ZDHHC11: variants seen among roughly 807,000 people sequenced by gnomAD.
ZDHHC11 encodes palmitoyltransferase ZDHHC11.
A neutral mutation model predicts 51.3 loss-of-function variants in ZDHHC11; 44 were observed. The observed-to-expected ratio is 0.86, with a 90% CI of 0.67 to 1.10. ZDHHC11 has a LOEUF of 1.10. Among genes scored for constraint, ZDHHC11 ranks in the 50% least tolerant of loss-of-function variants. ZDHHC11 has a pLI of 0.00. For missense variants in ZDHHC11, 400 were observed against 537.7 expected (o/e 0.74, Z 2.53); for synonymous variants, 163 against 222.0 (o/e 0.73, Z 2.36).
chr5:840,735 G>A, intron 4 of ZDHHC11, 85 bp from the exon 5 acceptor site: 6 of 1,591,870 alleles, frequency 3.8e-6, no homozygotes, highest in Middle Eastern at 1.7e-4. Flanking sequence ...GAGCGTGCTG[G>A]GGATGGGGCG....
At chr5:807,767 A>G (rs1739476417) in intron 11 of ZDHHC11, among the ~76,000 whole-genome samples, 2 of 151,996 alleles carry the variant, frequency 1.3e-5, no homozygotes, top group South Asian at 4.1e-4. Flanking sequence ...TTATAGAACC[A>G]GCAGCATCTC....
chr5:833,225 C>T (rs1743293899), intron 7 of ZDHHC11, among the ~76,000 whole-genome samples: 2 of 152,276 alleles, frequency 1.3e-5, no homozygotes, highest in South Asian at 4.1e-4. Flanking sequence ...TGCGCGTGCC[C>T]TTTGACTCTC....
At chr5:826,188 GC>G (rs1284071047) in intron 7 of ZDHHC11, among the ~76,000 whole-genome samples, 2 of 20,900 alleles carry the variant, frequency 9.6e-5, no homozygotes, top group African/African-American at 2.6e-4. Flanking sequence ...AGGGGAAGGG[GC>G]AGTGCACAAA....
chr5:798,214 C>A (rs1356181417), intron 12 of ZDHHC11, among the ~76,000 whole-genome samples: 6 of 151,206 alleles, frequency 4.0e-5, no homozygotes, highest in Non-Finnish European at 7.4e-5. Context: ...CCATTTGTAT[C>A]TCTTGAAAAG....
intron 1 of ZDHHC11, 132 bp from the exon 2 acceptor site, chr5:848,792 C>T (rs1746663800): frequency 2.3e-6 from 3 of 1,327,958 alleles, no homozygotes; most frequent in Non-Finnish European, 3.1e-6. Context: ...CACGTGAGCC[C>T]AGCTCACCCA....
chr5:837,693 T>A (rs1744093267), intron 5 of ZDHHC11, among the ~76,000 whole-genome samples: 1 of 151,480 alleles, frequency 6.6e-6, no homozygotes, highest in Non-Finnish European at 1.5e-5. Context: ...GCAGGAGGGG[T>A]CTGCAGCTGC....
chr5:837,056 C>CA (rs200986325), intron 6 of ZDHHC11, among the ~76,000 whole-genome samples: 1,761 of 131,022 alleles, frequency 0.013, 46 homozygotes, highest in South Asian at 0.022. Flanking sequence ...GACTCTGTCT[C>CA]AAAAAAAAAG....
intron 10 of ZDHHC11, among the ~76,000 whole-genome samples, chr5:815,649 A>G (rs1181474924): frequency 3.3e-5 from 5 of 151,388 alleles, no homozygotes; most frequent in African/African-American, 1.2e-4. Flanking sequence ...GGGTCATATC[A>G]TAAGTACCTA....
chr5:804,526 G>A (rs1375630462), intron 11 of ZDHHC11, among the ~76,000 whole-genome samples: 78 of 138,716 alleles, frequency 5.6e-4, no homozygotes, highest in African/African-American at 1.8e-3. Flanking sequence ...CAGGCTATAC[G>A]CCAAAAGATC....
chr5:821,941 C>T lies in ZDHHC11; in HGVS notation c.1024-46G>A. 3 of 1,544,044 alleles carry T rather than the reference C, an allele frequency of 1.9e-6. 1 individual carries two copies. Among genetic ancestry groups the T allele is most frequent in the Non-Finnish European group, 8.9e-7 (1 of 1,129,898 alleles). On this transcript the variant is annotated intron_variant, in intron 8 of 12. Transcript: ENST00000283441. ...ATTCATAGAATGAATTGACATTGAA[C>T]TTATTCTTAAAAAAAATTCAAGTCC...
In ZDHHC11 at chr5:795,973, G is replaced by A. The variant is rs1230369820; in HGVS notation, c.*615C>T. 1 of 153,252 alleles carries A rather than the reference G, an allele frequency of 6.5e-6. No individual in the cohort carries two copies. The highest frequency in any genetic ancestry group is 1.5e-5 in the Non-Finnish European group (1 of 68,108). The allele number at this position is 153,252 out of a possible 1,614,324, so 9.5% of individuals were successfully genotyped here. On this transcript the variant is annotated 3_prime_UTR_variant, in exon 13 of 13. Transcript: ENST00000283441. ...CTCAGTACTGTATGCCCATTTCCCA[G>A]TACTGTGCTCCCATTTCTCAGTAGT...
At chr5:846,924 G>A (rs1291920859) in intron 3 of ZDHHC11, among the ~76,000 whole-genome samples, 1 of 151,400 alleles carries the variant, frequency 6.6e-6, no homozygotes, top group African/African-American at 2.4e-5. Context: ...CCGTGCTCAG[G>A]GGAAAGACCT....
intron 6 of ZDHHC11, 89 bp from the exon 7 acceptor site, chr5:833,896 G>A: frequency 6.6e-7 from 1 of 1,522,270 alleles, no homozygotes; most frequent in South Asian, 1.1e-5. Context: ...TATTATTCCT[G>A]GGTTTTGAGG....
intron 12 of ZDHHC11, among the ~76,000 whole-genome samples, chr5:799,787 T>C (rs1347588362): frequency 2.6e-5 from 4 of 151,616 alleles, no homozygotes; most frequent in Non-Finnish European, 5.9e-5. Flanking sequence ...ACTGCACCAA[T>C]TTACTTCTTC....
intron 4 of ZDHHC11, 167 bp downstream of exon 4, chr5:843,433 T>C: frequency 7.7e-7 from 1 of 1,298,810 alleles, no homozygotes; most frequent in South Asian, 1.4e-5. Context: ...TGCTGGGCTG[T>C]ATGAACACTG....
intron 4 of ZDHHC11, chr5:842,378 CA>C (rs1386213227): frequency 2.0e-6 from 2 of 985,354 alleles, no homozygotes; most frequent in Admixed American, 1.2e-4. Flanking sequence ...AGCTGGCTTT[CA>C]GGAAGTGCTT....
At chr5:857,576 TC>T (rs886354358) in intron 1 of ZDHHC11, among the ~76,000 whole-genome samples, 2 of 142,860 alleles carry the variant, frequency 1.4e-5, no homozygotes, top group African/African-American at 2.7e-5. Flanking sequence ...GACTCCGTGG[TC>T]CCCCGAGTCT....
intron 3 of ZDHHC11, among the ~76,000 whole-genome samples, chr5:846,465 T>C (rs1341785417): frequency 6.6e-6 from 1 of 150,706 alleles, no homozygotes; most frequent in Admixed American, 6.6e-5. Context: ...GGGAAACACC[T>C]CTCATCTATG....
chr5:798,193 A>G (rs1319431976), intron 12 of ZDHHC11, among the ~76,000 whole-genome samples: 3 of 150,864 alleles, frequency 2.0e-5, no homozygotes, highest in Non-Finnish European at 4.4e-5. Flanking sequence ...CTGTGCTCTC[A>G]GCTTGATCTT....
Sources: gnomAD v4.1 joint callset for allele counts (sites outside exome capture counted in the v4.1 genomes callset) on GRCh38, gnomAD v4.1.1 for gene constraint, MANE v1.5 for transcripts, NCBI Gene and HGNC (gene_info 2026-07-23, HGNC 2026-07-21) for gene names.